The following PLCH2 variants were observed in gnomAD, a reference collection of about 807,000 sequenced individuals.
The protein encoded by PLCH2 is 1-phosphatidylinositol 4,5-bisphosphate phosphodiesterase eta-2.
Under a neutral mutation model 134.7 loss-of-function variants are expected in PLCH2, and 98 were observed. The observed-to-expected ratio is 0.73, with a 90% CI of 0.62 to 0.86. The LOEUF is 0.86. PLCH2 is among the 40% of genes least tolerant of loss of function. PLCH2 has a pLI of 0.00. For synonymous variants in PLCH2, 974 were observed against 827.5 expected, an observed-to-expected ratio of 1.18 and a Z score of -3.04; for missense variants, 1,994 against 1,986.6, an observed-to-expected ratio of 1.00 and a Z score of -0.07.
chr1:2,419,224 T>C, the PLCH2 span, among the ~76,000 whole-genome samples: 1 of 152,164 alleles, frequency 6.6e-6, no homozygotes, highest in South Asian at 2.1e-4. Flanking sequence ...GTCTGCACGG[T>C]CGAGCTTCAA....
chr1:2,449,288 C>T (rs1006443745), intron 2 of PLCH2, among the ~76,000 whole-genome samples: 6 of 152,098 alleles, frequency 3.9e-5, no homozygotes, highest in Non-Finnish European at 7.4e-5. Context: ...ATCAGGAGTT[C>T]GAGACCAGCC....
chr1:2,484,622 T>C lies in PLCH2; in HGVS notation c.816+4T>C. On this transcript the variant is annotated splice_donor_region_variant and intron_variant, in intron 5 of 21. Transcript: ENST00000378486. ...CTTCCTGCAGGTGGAGCAGAAGGTGTGCTGCCCGGGGCAGGTGTTGGGGGG... is the reference window on the plus strand; with the variant it reads ...CTTCCTGCAGGTGGAGCAGAAGGTGCGCTGCCCGGGGCAGGTGTTGGGGGG... The C allele has an allele frequency of 6.2e-7, 1 of 1,610,194 alleles. No individual in the cohort carries two copies. The highest frequency in any genetic ancestry group is 1.1e-5 in the South Asian group (1 of 91,062).
rs765471487 is a variant in PLCH2 at position 2,504,268 on chromosome 1, G to A, written c.3306G>A (p.Thr1102=). 10 of 1,589,496 alleles carry A rather than the reference G, an allele frequency of 6.3e-6. No individual in the cohort carries two copies. In the South Asian group the frequency reaches 6.7e-5, roughly 11 times the overall value. Residue 1102 remains threonine (T), a synonymous_variant, in exon 22 of 22, where the codon ACG becomes ACA. Coordinates refer to ENST00000378486, the MANE Select transcript of PLCH2 (RefSeq NM_014638.4). Reference sequence around the variant, plus strand: ...TGAAGAGTGAGGGGCAGGTGCCCACGGAGCCCCTGGGAGGGTGGCGGCCCC... The same window carrying A: ...TGAAGAGTGAGGGGCAGGTGCCCACAGAGCCCCTGGGAGGGTGGCGGCCCC... ...RRVKSEGQVP[T]EPLGGWRPLA...
chr1:2,466,433 TC>T (rs1189150587), upstream of PLCH2, among the ~76,000 whole-genome samples: 1 of 152,188 alleles, frequency 6.6e-6, no homozygotes, highest in Non-Finnish European at 1.5e-5. Context: ...CCAGGGGCCT[TC>T]CTTGGCAGGA....
In PLCH2 at chr1:2,456,773, ACCC is replaced by A. The variant is rs1414380097; in HGVS notation, c.116-21702_116-21700del. On this transcript the variant is annotated intron_variant, in intron 2 of 3. Transcript: ENST00000609981. ...CCAGGGCTCTTGGTGGGAGGTGCCC[ACCC>A]TTCCTGAGAGAATGGGCCCACTTGG... Among the ~76,000 whole-genome samples the A allele has an allele frequency of 1.4e-4, 21 of 150,656 alleles. 1 individual carries two copies. The South Asian group carries it at 3.0e-3, about 21-fold the overall frequency.
chr1:2,487,202 G>A lies in PLCH2; in HGVS notation c.940G>A (p.Gly314Ser). 1 of 1,585,508 alleles carries A rather than the reference G, an allele frequency of 6.3e-7. No individual in the cohort carries two copies. Among genetic ancestry groups the A allele is most frequent in the Non-Finnish European group, 8.6e-7 (1 of 1,166,500 alleles). Residue 314 changes from glycine to serine, a missense_variant, in exon 7 of 22, where the codon GGT becomes AGT. Gly to Ser is a moderately conservative substitution (Grantham distance 56, BLOSUM62 0). Around this residue, in one of 2 missense-constraint regions of PLCH2, gnomAD observed 1,094 missense variants for 1,234.3 expected, o/e 0.89. Transcript: ENST00000378486. ...CACCAACTACACCAGGAGCCCTGCTGGTGACATCTTCAACCCTGAGCACCA... is the reference window on the plus strand; with the variant it reads ...CACCAACTACACCAGGAGCCCTGCTAGTGACATCTTCAACCCTGAGCACCA... ...GFTNYTRSPA[G>S]DIFNPEHHHV...
chr1:2,417,341 G>A, the PLCH2 span, among the ~76,000 whole-genome samples: 8 of 152,194 alleles, frequency 5.3e-5, no homozygotes, highest in African/African-American at 1.9e-4. Context: ...CTCTGTCCAT[G>A]TGAGAGGCAT....
intron 13 of PLCH2, 111 bp downstream of exon 13, chr1:2,495,681 A>G: frequency 2.9e-6 from 2 of 694,364 alleles, no homozygotes; most frequent in Non-Finnish European, 4.7e-6. Flanking sequence ...GGCAGGACCT[A>G]CCCCCTTCTT....
chr1:2,459,635 T>G (rs61763917), intron 2 of PLCH2, among the ~76,000 whole-genome samples: 401 of 11,060 alleles, frequency 0.036, 52 homozygotes, highest in South Asian at 0.22. Context: ...CCTCCTTGCC[T>G]GTGGTCTTCC....
At chr1:2,484,170 T>C (rs1642169679) in intron 4 of PLCH2, among the ~76,000 whole-genome samples, 1 of 152,082 alleles carries the variant, frequency 6.6e-6, no homozygotes, top group African/African-American at 2.4e-5. Flanking sequence ...TAGTGTTAAC[T>C]GCTGTGTGGG....
upstream of PLCH2, among the ~76,000 whole-genome samples, chr1:2,425,557 A>G (rs988312321): frequency 6.6e-6 from 1 of 152,172 alleles, no homozygotes; most frequent in Admixed American, 6.5e-5. Context: ...TCTGTTGCCA[A>G]GGTTGGAGTG....
At chr1:2,459,822 G>A (rs1014362337) in intron 2 of PLCH2, among the ~76,000 whole-genome samples, 1 of 152,260 alleles carries the variant, frequency 6.6e-6, no homozygotes, top group Non-Finnish European at 1.5e-5. Flanking sequence ...TAATTCACAC[G>A]CAGGACCGGC....
intron 12 of PLCH2, among the ~76,000 whole-genome samples, chr1:2,495,255 G>A (rs1201901796): frequency 6.6e-6 from 1 of 152,200 alleles, no homozygotes; most frequent in Non-Finnish European, 1.5e-5. Context: ...TCTGGCCCAC[G>A]CTGGCCCTCG....
intron 2 of PLCH2, among the ~76,000 whole-genome samples, chr1:2,432,876 C>T (rs555582476): frequency 4.6e-5 from 7 of 152,202 alleles, no homozygotes; most frequent in African/African-American, 1.7e-4. Context: ...AGGTCTTTCC[C>T]GTCCGTCAGG....
chr1:2,467,451 ACCTTCCTC>A (rs1641112408), exon 1 of PLCH2: 8 of 135,284 alleles, frequency 5.9e-5, no homozygotes, highest in Non-Finnish European at 7.7e-5. Flanking sequence ...CGCCTTCCTC[ACCTTCCTC>A]ACGGGCGGGC....
chr1:2,438,862 G>A (rs1256784571), intron 2 of PLCH2, among the ~76,000 whole-genome samples: 4 of 152,210 alleles, frequency 2.6e-5, no homozygotes, highest in Non-Finnish European at 5.9e-5. Context: ...TCCTTCAGGG[G>A]GCGCAGCGTG....
intron 4 of PLCH2, among the ~76,000 whole-genome samples, chr1:2,482,515 C>G (rs1039783784): frequency 1.3e-5 from 2 of 152,248 alleles, no homozygotes; most frequent in Non-Finnish European, 2.9e-5. Context: ...GTGGCTTTAG[C>G]TGGGCCCTTC....
intron 1 of PLCH2, among the ~76,000 whole-genome samples, chr1:2,426,405 G>A (rs1638797913): frequency 6.6e-6 from 1 of 152,216 alleles, no homozygotes; most frequent in Non-Finnish European, 1.5e-5. Flanking sequence ...TGGGGCTCCG[G>A]GGTGTCCCCC....
upstream of PLCH2, among the ~76,000 whole-genome samples, chr1:2,464,005 ACTCAGGG>A (rs1640943503): frequency 6.6e-6 from 1 of 152,134 alleles, no homozygotes; most frequent in South Asian, 2.1e-4. Flanking sequence ...TCTGGAACAC[ACTCAGGG>A]CACCCCTTGC....
Sources: gnomAD v4.1 joint callset for allele counts (sites outside exome capture counted in the v4.1 genomes callset) on GRCh38, gnomAD v4.1.1 for gene constraint, gnomAD v4.1.1 regional missense constraint, MANE v1.5 for transcripts, NCBI Gene and HGNC (gene_info 2026-07-23, HGNC 2026-07-21) for gene names.